Variants in NAA11 observed in about 807,000 individuals in gnomAD.
NAA11 encodes N-alpha-acetyltransferase 11, NatA catalytic subunit, also known as N-alpha-acetyltransferase 11.
A neutral mutation model predicts 16.1 loss-of-function variants in NAA11; 15 were observed. The observed-to-expected ratio is 0.93, with a 90% CI of 0.62 to 1.44. The LOEUF is 1.44. Ranked by LOEUF, NAA11 falls within the 40% of genes most tolerant of loss-of-function variation. The probability of loss-of-function intolerance (pLI) is 0.00; values close to 1 mark genes in which losing one functional copy is unlikely to be tolerated. For synonymous variants in NAA11, 122 were observed against 112.4 expected, an observed-to-expected ratio of 1.09 and a Z score of -0.54; for missense variants, 298 against 291.3, an observed-to-expected ratio of 1.02 and a Z score of -0.17.
chr4:79,272,191 TGTAA>T (rs1231414667), intron 2 of NAA11, among the ~76,000 whole-genome samples: 1 of 151,982 alleles, frequency 6.6e-6, no homozygotes, highest in Non-Finnish European at 1.5e-5. Context: ...GAAATGTATT[TGTAA>T]GTAATACAAT....
At position 79,271,753 on chromosome 4, in the gene NAA11, T is replaced by C. The variant is rs4418001; in HGVS notation, c.*122+22252A>G. On this transcript the variant is annotated intron_variant and NMD_transcript_variant, in intron 2 of 2. Coordinates refer to the NAA11 transcript ENST00000511542. ...TACTAAAATATTGTACAGTAGAAATTAGGCTGTGTAAATTCATTTGGCTAA... is the reference window on the plus strand; with the variant it reads ...TACTAAAATATTGTACAGTAGAAATCAGGCTGTGTAAATTCATTTGGCTAA... 8.6e-3 allele frequency among the ~76,000 whole-genome samples: 1,307 copies of C among 152,090 alleles called. 21 individuals carry two copies. Among genetic ancestry groups the C allele is most frequent in the African/African-American group, 0.03 (1,264 of 41,514 alleles).
chr4:79,323,948 A>C (rs1462646186), intron 1 of NAA11, among the ~76,000 whole-genome samples: 1 of 151,804 alleles, frequency 6.6e-6, no homozygotes, highest in Non-Finnish European at 1.5e-5. Flanking sequence ...GGTTGCAGTG[A>C]GCCGAGATCG....
downstream of NAA11, among the ~76,000 whole-genome samples, chr4:79,314,641 T>TAAAAAAAAAAAAAAAAAAAAAAAAAAA (rs375245497): frequency 2.0e-5 from 2 of 98,048 alleles, no homozygotes; most frequent in African/African-American, 8.2e-5. Flanking sequence ...TCCTTAAAAT[T>TAAAAAAAAAAAAAAAAAAAAAAAAAAA]AAAAAAAAAA....
At chr4:79,169,555 G>T in the NAA11 span, among the ~76,000 whole-genome samples, 1 of 149,620 alleles carries the variant, frequency 6.7e-6, no homozygotes, top group South Asian at 2.2e-4. Context: ...CTAGCCATAT[G>T]CAGAAAACTG....
At chr4:79,290,594 A>G (rs1723058094) in intron 2 of NAA11, among the ~76,000 whole-genome samples, 1 of 152,184 alleles carries the variant, frequency 6.6e-6, no homozygotes, top group Non-Finnish European at 1.5e-5. Context: ...GTTTGAAAAC[A>G]GTAGGCCCTG....
chr4:79,311,537 C>T (rs1180395985), intron 1 of NAA11, among the ~76,000 whole-genome samples: 1 of 152,188 alleles, frequency 6.6e-6, no homozygotes, highest in African/African-American at 2.4e-5. Flanking sequence ...TTTCATGGCG[C>T]TCCTATTAGC....
At chr4:79,303,073 C>T (rs868757144) in intron 1 of NAA11, among the ~76,000 whole-genome samples, 7 of 67,962 alleles carry the variant, frequency 1.0e-4, no homozygotes, top group African/African-American at 5.6e-4. Flanking sequence ...CTCTTGAGGC[C>T]TTTTATATAT....
At chr4:79,167,371 A>G in the NAA11 span, among the ~76,000 whole-genome samples, 2 of 149,382 alleles carry the variant, frequency 1.3e-5, no homozygotes, top group South Asian at 2.1e-4. Context: ...CTTCAACAAC[A>G]CTTAACAGTT....
intron 2 of NAA11, among the ~76,000 whole-genome samples, chr4:79,261,369 G>C (rs909041980): frequency 5.9e-5 from 9 of 152,128 alleles, no homozygotes; most frequent in African/African-American, 1.4e-4. Context: ...ATAGGCAACA[G>C]TGTGAATTTT....
chr4:79,325,218 G>A lies in NAA11; in HGVS notation c.660C>T (p.Asp220=), dbSNP rs776238904. 1.6e-5 allele frequency: 25 copies of A among 1,612,778 alleles called. No homozygotes were observed. The highest frequency in any genetic ancestry group is 2.1e-5 in the Non-Finnish European group (25 of 1,179,332). ...KESVESTNVQ[D]SSESSDSTS is the part of the protein sequence containing the mutation. ...AGGTGGAATCCGAGCTTTCTGAGCTGTCCTGGACGTTGGTGCTCTCCACAG... is the reference window on the plus strand; with the variant it reads ...AGGTGGAATCCGAGCTTTCTGAGCTATCCTGGACGTTGGTGCTCTCCACAG... Residue 220 remains aspartate (D), a synonymous_variant, in exon 1 of 2, where the codon GAC becomes GAT. Coordinates refer to ENST00000286794, the MANE Select transcript of NAA11 (RefSeq NM_032693.3).
intron 2 of NAA11, among the ~76,000 whole-genome samples, chr4:79,265,746 T>C (rs913275572): frequency 4.7e-5 from 7 of 149,008 alleles, no homozygotes; most frequent in Non-Finnish European, 3.0e-5. Flanking sequence ...CTCACTCTCT[T>C]ATCCCCAGAT....
chr4:79,168,865 T>C, the NAA11 span, among the ~76,000 whole-genome samples: 6 of 152,078 alleles, frequency 3.9e-5, no homozygotes, highest in Non-Finnish European at 5.9e-5. Context: ...GCAGAAGCTC[T>C]TTAGTTAAAT....
At chr4:79,284,561 A>G (rs1234601881) in intron 2 of NAA11, among the ~76,000 whole-genome samples, 1 of 152,094 alleles carries the variant, frequency 6.6e-6, no homozygotes, top group Non-Finnish European at 1.5e-5. Flanking sequence ...TTCTTGAAGA[A>G]TGATTGATGT....
chr4:79,249,288 T>C (rs948838587), intron 2 of NAA11, among the ~76,000 whole-genome samples: 4 of 152,212 alleles, frequency 2.6e-5, no homozygotes, highest in Non-Finnish European at 5.9e-5. Context: ...ATGACAGATA[T>C]TGAATTCAGA....
the NAA11 span, among the ~76,000 whole-genome samples, chr4:79,166,404 T>A: frequency 1.3e-5 from 2 of 151,582 alleles, no homozygotes; most frequent in Non-Finnish European, 2.9e-5. Flanking sequence ...GGGGCTGGAG[T>A]GTAGTGGTGC....
At chr4:79,254,491 A>G (rs905976381) in intron 2 of NAA11, among the ~76,000 whole-genome samples, 6 of 152,204 alleles carry the variant, frequency 3.9e-5, no homozygotes, top group African/African-American at 1.4e-4. Context: ...TATTGTAAAT[A>G]CTTGTCCACA....
At chr4:79,192,534 C>T in the NAA11 span, among the ~76,000 whole-genome samples, 1 of 151,742 alleles carries the variant, frequency 6.6e-6, no homozygotes, top group Non-Finnish European at 1.5e-5. Flanking sequence ...CAGCTTCATC[C>T]ATGTCCCTAC....
At chr4:79,213,563 ACTT>A in the NAA11 span, among the ~76,000 whole-genome samples, 107,999 of 151,826 alleles carry the variant, frequency 0.71, 40,762 homozygotes, top group East Asian at 0.89. Flanking sequence ...TATAAAATGA[ACTT>A]CTTATGATTA....
chr4:79,166,105 A>G, the NAA11 span, among the ~76,000 whole-genome samples: 1 of 152,202 alleles, frequency 6.6e-6, no homozygotes, highest in African/African-American at 2.4e-5. Flanking sequence ...GCAAAACATG[A>G]AAGTATATCC....
Sources: allele counts gnomAD v4.1 joint callset (sites outside exome capture counted in the v4.1 genomes callset), GRCh38; gene constraint gnomAD v4.1.1; transcripts MANE v1.5; gene names NCBI Gene and HGNC (gene_info 2026-07-23, HGNC 2026-07-21).